The following WASF2 variants were observed in gnomAD, a reference collection of about 807,000 sequenced individuals.
WASF2 encodes the protein actin-binding protein WASF2.
A neutral mutation model predicts 45.0 loss-of-function variants in WASF2; 14 were observed. That is an observed-to-expected ratio of 0.31 (90% CI 0.21 to 0.49). The LOEUF is 0.49. Among genes scored for constraint, WASF2 ranks in the 20% least tolerant of loss-of-function variants. The pLI is 0.99. For missense variants in WASF2, 439 were observed against 636.1 expected (o/e 0.69, Z 3.33); for synonymous variants, 200 against 236.3 (o/e 0.85, Z 1.41).
chr1:27,464,379 G>T (rs1012683409), intron 1 of WASF2, among the ~76,000 whole-genome samples: 2 of 150,552 alleles, frequency 1.3e-5, no homozygotes, highest in Admixed American at 1.3e-4. Context: ...GAGGAAAACG[G>T]TCTCAAAAAA....
chr1:27,447,251 T>C (rs1169188160), intron 1 of WASF2, among the ~76,000 whole-genome samples: 1 of 152,234 alleles, frequency 6.6e-6, no homozygotes, highest in Non-Finnish European at 1.5e-5. Flanking sequence ...GCGGCATGAA[T>C]AGATAAGCTG....
At chr1:27,423,658 T>C (rs754955886) in intron 2 of WASF2, among the ~76,000 whole-genome samples, 3 of 152,202 alleles carry the variant, frequency 2.0e-5, no homozygotes, top group Non-Finnish European at 4.4e-5. Flanking sequence ...CTCACTCAGA[T>C]TACCAAGACA....
intron 1 of WASF2, among the ~76,000 whole-genome samples, chr1:27,461,686 G>C (rs896363776): frequency 1.3e-5 from 2 of 151,884 alleles, no homozygotes; most frequent in Admixed American, 6.6e-5. Flanking sequence ...GTGTTAGCCA[G>C]GATGGTCTCG....
rs567023185 is a variant in WASF2 at position 27,463,547 on chromosome 1, C to T, written c.-44+26439G>A. On this transcript the variant is annotated intron_variant, in intron 1 of 8. Coordinates refer to ENST00000618852, the MANE Select transcript of WASF2 (RefSeq NM_006990.5). ...CTGAGGCAGGAGAATGGAGTTAGCC[C>T]GGGAGGTGGAGCTTGCAGTGAGCCG... Among the ~76,000 whole-genome samples the T allele has an allele frequency of 6.4e-5, 9 of 141,540 alleles. No individual in the cohort carries two copies. The East Asian group carries it at 2.0e-3, about 32-fold the overall frequency. The allele number at this position is 141,540 out of a possible 152,430, so 92.9% of individuals were successfully genotyped here.
At chr1:27,450,499 A>T (rs1015307587) in intron 1 of WASF2, among the ~76,000 whole-genome samples, 28 of 149,190 alleles carry the variant, frequency 1.9e-4, no homozygotes, top group African/African-American at 6.4e-4. Context: ...CCTCTCCCAG[A>T]CTCTTTTTTG....
chr1:27,432,284 T>TG (rs1284575429), intron 1 of WASF2, among the ~76,000 whole-genome samples: 3 of 152,052 alleles, frequency 2.0e-5, no homozygotes, highest in Non-Finnish European at 2.9e-5. Context: ...TGTGTGATCT[T>TG]GGGGGCAATT....
chr1:27,486,737 A>T (rs1178104545), intron 1 of WASF2, among the ~76,000 whole-genome samples: 1 of 152,084 alleles, frequency 6.6e-6, no homozygotes, highest in Non-Finnish European at 1.5e-5. Context: ...CAGCCTGGCC[A>T]ACATGGCAAA....
rs149725504 is a variant in WASF2, at chr1:27,420,343, T to C, written c.131-1255A>G. Among the ~76,000 whole-genome samples, 266 of 152,182 alleles carry C rather than the reference T, an allele frequency of 1.7e-3. 1 individual carries two copies. The highest frequency in any genetic ancestry group is 3.0e-3 in the Non-Finnish European group (203 of 67,994). ...AGTGGTCTCTTTCCACAATGTCTTG[T>C]TTTTTAGAAAAAGAAAAGTTCCGTA... On this transcript the variant is annotated intron_variant, in intron 2 of 8. Transcript: ENST00000618852.
At chr1:27,437,497 C>T (rs1201290696) in intron 1 of WASF2, among the ~76,000 whole-genome samples, 1 of 152,168 alleles carries the variant, frequency 6.6e-6, no homozygotes, top group Non-Finnish European at 1.5e-5. Flanking sequence ...AAAAGATTTA[C>T]CCGCATAAAG....
intron 1 of WASF2, among the ~76,000 whole-genome samples, chr1:27,486,067 C>G (rs192075533): frequency 2.9e-4 from 44 of 152,250 alleles, no homozygotes; most frequent in Middle Eastern, 3.4e-3. Flanking sequence ...CTGCAAAATG[C>G]AAAGGCTGTG....
chr1:27,467,714 C>T (rs1160687807), intron 1 of WASF2, among the ~76,000 whole-genome samples: 1 of 151,542 alleles, frequency 6.6e-6, no homozygotes, highest in African/African-American at 2.4e-5. Context: ...AGATGGAGAC[C>T]AGCCTGGCTG....
Position 27,479,329 on chromosome 1 carries a change from T to C in WASF2, c.-44+10657A>G, listed in dbSNP as rs115806413. On this transcript the variant is annotated intron_variant, in intron 1 of 8. Coordinates refer to ENST00000618852, the MANE Select transcript of WASF2 (RefSeq NM_006990.5). ...GGCTAGGCTTGGTGGCTTACACCTG[T>C]AATCTTGGCAGCACCTTCGAGGCTA... 2.8e-3 allele frequency among the ~76,000 whole-genome samples: 432 copies of C among 151,882 alleles called. 4 individuals carry two copies. Among genetic ancestry groups the C allele is most frequent in the African/African-American group, 1.0e-2 (412 of 41,374 alleles).
At chr1:27,449,500 G>T (rs1159929351) in intron 1 of WASF2, among the ~76,000 whole-genome samples, 1 of 151,930 alleles carries the variant, frequency 6.6e-6, no homozygotes, top group Non-Finnish European at 1.5e-5. Context: ...TTGGGAGGTT[G>T]AGGCAGGAGA....
At chr1:27,411,145 G>A (rs1008113429) in intron 7 of WASF2, among the ~76,000 whole-genome samples, 1 of 152,162 alleles carries the variant, frequency 6.6e-6, no homozygotes, top group African/African-American at 2.4e-5. Flanking sequence ...AGAGAAGGAG[G>A]ACAGCACAGC....
At chr1:27,408,999 GT>G (rs1017820420) in intron 8 of WASF2, among the ~76,000 whole-genome samples, 5 of 151,688 alleles carry the variant, frequency 3.3e-5, no homozygotes, top group South Asian at 4.2e-4. Flanking sequence ...AGTGATTCTT[GT>G]TTTTTTTCGA....
chr1:27,424,211 T>A (rs1365264779), intron 2 of WASF2, among the ~76,000 whole-genome samples: 1 of 152,186 alleles, frequency 6.6e-6, no homozygotes, highest in Non-Finnish European at 1.5e-5. Context: ...GCCAAGGTCA[T>A]GAGCCTGAAG....
Position 27,478,196 on chromosome 1 carries a change from G to A in WASF2, c.-44+11790C>T, listed in dbSNP as rs188906736. Among the ~76,000 whole-genome samples, 532 of 150,042 alleles carry A rather than the reference G, an allele frequency of 3.5e-3. 12 individuals are homozygous for A. Among genetic ancestry groups the A allele is most frequent in the Non-Finnish European group, 9.9e-4 (67 of 67,702 alleles). On this transcript the variant is annotated intron_variant, in intron 1 of 8. Coordinates refer to ENST00000618852, the MANE Select transcript of WASF2 (RefSeq NM_006990.5). Reference sequence around the variant, plus strand: ...CTGCACTCTAACCTGGGGGACAGAGGGAAGACTCTACCTCCAAAAAAAATA... The same window carrying A: ...CTGCACTCTAACCTGGGGGACAGAGAGAAGACTCTACCTCCAAAAAAAATA...
In WASF2 at chr1:27,419,082, T is replaced by A. The variant is rs1211419813; in HGVS notation, c.137A>T (p.Tyr46Phe). ...GAGCTCTCCAAAAATGTCCTCTGCA[T>A]ATTTACCTGGAAAGAGCAAAGAAAC... ...VIRQLGSLSK[Y>F]AEDIFGELFT... The change falls in exon 3 of 9, where the codon TAT (tyrosine) becomes TTT (phenylalanine). Residue 46 changes from tyrosine to phenylalanine, a missense_variant. Tyr to Phe is a conservative substitution (Grantham distance 22). This residue lies in a region of WASF2 where 16 missense variants were observed against 51.1 expected (regional missense o/e 0.31). Coordinates refer to ENST00000618852, the MANE Select transcript of WASF2 (RefSeq NM_006990.5). The A allele has an allele frequency of 1.9e-6, 3 of 1,613,746 alleles. No individual in the cohort carries two copies. Among genetic ancestry groups the A allele is most frequent in the Admixed American group, 1.7e-5 (1 of 59,954 alleles).
At chr1:27,472,608 C>T (rs2017704491) in intron 1 of WASF2, among the ~76,000 whole-genome samples, 1 of 144,436 alleles carries the variant, frequency 6.9e-6, no homozygotes, top group African/African-American at 2.6e-5. Flanking sequence ...CACTCCAGCA[C>T]TCCAGCACTC....
Sources: gnomAD v4.1 joint callset for allele counts (sites outside exome capture counted in the v4.1 genomes callset) on GRCh38, gnomAD v4.1.1 for gene constraint, gnomAD v4.1.1 regional missense constraint, MANE v1.5 for transcripts, NCBI Gene and HGNC (gene_info 2026-07-23, HGNC 2026-07-21) for gene names.